PCDH15: variants seen among roughly 807,000 people sequenced by gnomAD.
PCDH15 encodes the protein protocadherin related 15.
Under a neutral mutation model 178.5 loss-of-function variants are expected in PCDH15, and 129 were observed. The observed-to-expected ratio is 0.72, with a 90% CI of 0.63 to 0.84. The LOEUF (loss-of-function observed/expected upper bound fraction) is 0.84, where lower values mean the gene tolerates loss of function less well. Among genes scored for constraint, PCDH15 ranks in the 40% least tolerant of loss-of-function variants. The pLI is 0.00. For missense variants in PCDH15, 2,230 were observed against 2,099.9 expected (o/e 1.06, Z -1.21); for synonymous variants, 800 against 732.0 (o/e 1.09, Z -1.50).
At chr10:54,056,295 C>T (rs1590155506) in intron 18 of PCDH15, among the ~76,000 whole-genome samples, 1 of 152,174 alleles carries the variant, frequency 6.6e-6, no homozygotes, top group African/African-American at 2.4e-5. Flanking sequence ...TTGCTGCTAA[C>T]CACAGTTGCT....
At chr10:55,336,020 C>G (rs1448469755) in intron 2 of PCDH15, among the ~76,000 whole-genome samples, 1 of 144,844 alleles carries the variant, frequency 6.9e-6, no homozygotes, top group African/African-American at 2.6e-5. Context: ...GAACTATTGA[C>G]ATTTTGGCCC....
rs1491235711 is a variant in PCDH15, at chr10:54,709,627, T to TATATAA, written c.-28-45338_-28-45337insTTATAT. On this transcript the variant is annotated intron_variant, in intron 1 of 37. Transcript: ENST00000644397. ...ATATATATACATATATATATATATA[T>TATATAA]AAAATCACTTTAAAACAATTCTAAT... 2.6e-3 allele frequency among the ~76,000 whole-genome samples: 370 copies of TATATAA among 141,760 alleles called. 3 individuals carry two copies. The highest frequency in any genetic ancestry group is 7.3e-3 in the South Asian group (33 of 4,524). The allele number at this position is 141,760 out of a possible 152,430, so 93.0% of individuals were successfully genotyped here. A position where few individuals can be genotyped will look rare whatever the true frequency, so the allele number is the denominator to read the frequency against.
At chr10:53,979,590 G>A (rs1436112343) in intron 21 of PCDH15, among the ~76,000 whole-genome samples, 4 of 152,138 alleles carry the variant, frequency 2.6e-5, no homozygotes, top group Admixed American at 1.3e-4. Flanking sequence ...TCTCATATTC[G>A]TCTCTCAAGA....
intron 3 of PCDH15, among the ~76,000 whole-genome samples, chr10:54,878,802 T>C (rs933615637): frequency 6.6e-6 from 1 of 152,086 alleles, no homozygotes; most frequent in African/African-American, 2.4e-5. Context: ...CCATTAGATA[T>C]TCTCCTTGAT....
intron 2 of PCDH15, among the ~76,000 whole-genome samples, chr10:54,622,254 G>C (rs2093375936): frequency 6.6e-6 from 1 of 151,228 alleles, no homozygotes; most frequent in African/African-American, 2.4e-5. Flanking sequence ...GGAAATTTAT[G>C]TGTGTGTGTG....
upstream of PCDH15, among the ~76,000 whole-genome samples, chr10:55,322,453 G>A (rs1182869266): frequency 1.3e-5 from 2 of 152,128 alleles, no homozygotes; most frequent in Non-Finnish European, 2.9e-5. Context: ...AACAGGCAGA[G>A]GCTGGAACAG....
rs1591762539 is a variant in PCDH15, at chr10:54,884,998, A to G, written c.-29+12452T>C. 2.0e-5 allele frequency among the ~76,000 whole-genome samples: 3 copies of G among 152,214 alleles called. No individual in the cohort carries two copies. The South Asian group carries it at 6.2e-4, about 32-fold the overall frequency. On this transcript the variant is annotated intron_variant, in intron 3 of 5. Coordinates refer to the PCDH15 transcript ENST00000458638. ...CTTTGCCCTAATAGTTTTAATAATT[A>G]TACATATAACATTCATTTGTTAATT...
In PCDH15 at chr10:54,234,353, A is replaced by T. The variant is rs552108924; in HGVS notation, c.985+2470T>A. Among the ~76,000 whole-genome samples the T allele has an allele frequency of 3.3e-5, 5 of 152,162 alleles. No individual in the cohort carries two copies. The East Asian group carries it at 9.7e-4, about 29-fold the overall frequency. ...CAATGTATTGGATCAAATTCTCACAACCCTTTTGTACAAAGATCTATTTTT... is the reference window on the plus strand; with the variant it reads ...CAATGTATTGGATCAAATTCTCACATCCCTTTTGTACAAAGATCTATTTTT... On this transcript the variant is annotated intron_variant, in intron 9 of 37. Coordinates refer to ENST00000644397, the MANE Select transcript of PCDH15 (RefSeq NM_001384140.1).
chr10:54,316,430 G>A (rs997684223), intron 8 of PCDH15, among the ~76,000 whole-genome samples: 1 of 151,732 alleles, frequency 6.6e-6, no homozygotes, highest in Non-Finnish European at 1.5e-5. Flanking sequence ...AGCCATTTTG[G>A]GAACCCAGAG....
intron 3 of PCDH15, among the ~76,000 whole-genome samples, chr10:54,395,208 G>A (rs559469167): frequency 9.5e-4 from 144 of 152,198 alleles, no homozygotes; most frequent in African/African-American, 3.3e-3. Context: ...TACAATTTAT[G>A]TTTAGAGACT....
intron 1 of PCDH15, among the ~76,000 whole-genome samples, chr10:54,748,496 G>T (rs1945768506): frequency 6.6e-6 from 1 of 152,098 alleles, no homozygotes; most frequent in African/African-American, 2.4e-5. Context: ...AAAGCTCAGA[G>T]AGATAACTGT....
At chr10:53,835,627 C>T (rs1349631295) in intron 29 of PCDH15, among the ~76,000 whole-genome samples, 1 of 152,028 alleles carries the variant, frequency 6.6e-6, no homozygotes, top group African/African-American at 2.4e-5. Context: ...TTAAAAGTGG[C>T]TGCCATAGGC....
intron 2 of PCDH15, among the ~76,000 whole-genome samples, chr10:55,357,273 A>AT (rs1365078590): frequency 6.6e-6 from 1 of 151,964 alleles, no homozygotes; most frequent in African/African-American, 2.4e-5. Context: ...TATTTAGAAT[A>AT]TTTTTTAAAC....
intron 2 of PCDH15, among the ~76,000 whole-genome samples, chr10:54,623,938 A>G (rs1590636765): frequency 1.3e-5 from 2 of 152,278 alleles, no homozygotes; most frequent in East Asian, 3.9e-4. Flanking sequence ...ACAAAATACT[A>G]TATTTTAAAA....
At chr10:54,678,759 G>C (rs960736431) in intron 1 of PCDH15, among the ~76,000 whole-genome samples, 1 of 152,040 alleles carries the variant, frequency 6.6e-6, no homozygotes, top group African/African-American at 2.4e-5. Context: ...TGTAATAAAT[G>C]TAACTTTTTA....
rs572578110 is a variant in PCDH15, at chr10:55,483,064, G to A, written c.-156+144561C>T. 8.6e-5 allele frequency among the ~76,000 whole-genome samples: 13 copies of A among 151,806 alleles called. No individual in the cohort carries two copies. The East Asian group carries it at 1.9e-3, about 23-fold the overall frequency. On this transcript the variant is annotated intron_variant, in intron 2 of 5. Transcript: ENST00000613346. ...AGACTTAAATGTAAAACCCATTCAG[G>A]ACATAAGCATGGGCAAAGATTTCAT...
chr10:54,561,503 A>G (rs1210859606), intron 2 of PCDH15, among the ~76,000 whole-genome samples: 1 of 152,174 alleles, frequency 6.6e-6, no homozygotes, highest in Non-Finnish European at 1.5e-5. Context: ...AATCAAATTC[A>G]TGGGAATCAA....
chr10:54,920,468 CAAAAAAAAAAAAAAA>C (rs71014429), intron 2 of PCDH15, among the ~76,000 whole-genome samples: 2 of 57,790 alleles, frequency 3.5e-5, no homozygotes, highest in Admixed American at 2.9e-4. Context: ...GACTGTGTCT[CAAAAAAAAAAAAAAA>C]AAAAAAAAAA....
At chr10:54,344,461 A>C (rs2134132047) in intron 6 of PCDH15, among the ~76,000 whole-genome samples, 1 of 152,260 alleles carries the variant, frequency 6.6e-6, no homozygotes, top group East Asian at 1.9e-4. Flanking sequence ...AGATAGTTTA[A>C]AGTAATATAT....
Sources: allele counts gnomAD v4.1 joint callset (sites outside exome capture counted in the v4.1 genomes callset), GRCh38; gene constraint gnomAD v4.1.1; transcripts MANE v1.5; gene names NCBI Gene and HGNC (gene_info 2026-07-23, HGNC 2026-07-21).